The following JUP variants were observed in gnomAD, a reference collection of about 807,000 sequenced individuals.
The protein encoded by JUP is catenin (cadherin-associated protein), gamma 80kDa.
JUP carries 28 observed loss-of-function variants against 71.1 expected under a neutral mutation model. The ratio of observed to expected loss-of-function variants is 0.39; its 90% CI spans 0.29 to 0.54. The LOEUF is 0.54. Ranked by LOEUF, JUP falls within the 20% of genes least tolerant of loss-of-function variation. The pLI, the probability that JUP is intolerant of heterozygous loss-of-function variation, is 0.62. For synonymous variants in JUP, 401 were observed against 438.9 expected, an observed-to-expected ratio of 0.91 and a Z score of 1.08; for missense variants, 869 against 1,030.1, an observed-to-expected ratio of 0.84 and a Z score of 2.14.
At chr17:41,756,633 T>C (rs1323045854) in intron 12 of JUP, among the ~76,000 whole-genome samples, 1 of 150,792 alleles carries the variant, frequency 6.6e-6, no homozygotes, top group Non-Finnish European at 1.5e-5. Context: ...GCGCAGTGGC[T>C]CACGCCTGTA....
intron 13 of JUP, 22 bp from the exon 14 acceptor site, chr17:41,755,917 C>T (rs782592198): frequency 4.6e-5 from 74 of 1,598,482 alleles, no homozygotes; most frequent in Admixed American, 6.7e-5. Flanking sequence ...AAGTGGGGCT[C>T]GGTCCTAGGG....
In JUP at chr17:41,779,658, C is replaced by A. The variant is rs544235676; in HGVS notation, c.-9+6930G>T. Among the ~76,000 whole-genome samples the A allele has an allele frequency of 9.9e-4, 150 of 151,722 alleles. 1 individual carries two copies. The highest frequency in any genetic ancestry group is 3.4e-3 in the Middle Eastern group (1 of 292). On this transcript the variant is annotated intron_variant, in intron 1 of 13. Transcript: ENST00000393931. ...TTTTTTTTACAATGATCAGATATTA[C>A]TTTTTTTATTTTCTTTCTCTTTTTT... is the stretch of plus-strand genomic sequence containing the variant.
At position 41,763,002 on chromosome 17, in the gene JUP, T is replaced by C. The variant is rs781954492; in HGVS notation, c.1478A>G (p.Asn493Ser). The change falls in exon 8 of 14, where the codon AAC becomes AGC. Residue 493 changes from asparagine to serine, a missense_variant. Asn to Ser is a conservative substitution (Grantham distance 46). Coordinates refer to ENST00000393931, the MANE Select transcript of JUP (RefSeq NM_002230.4). Reference sequence around the variant, plus strand: ...CAGTACCTTGACCAGTGGCCACTGGTTGGGCTGGTTGAGCAGCTTCACGAT... The same window carrying C: ...CAGTACCTTGACCAGTGGCCACTGGCTGGGCTGGTTGAGCAGCTTCACGAT... ...PAIVKLLNQP[N>S]QWPLVKATIG... 2 of 1,614,048 alleles carry C rather than the reference T, an allele frequency of 1.2e-6. No homozygotes were observed. Among genetic ancestry groups the C allele is most frequent in the Admixed American group, 1.7e-5 (1 of 60,020 alleles).
intron 3 of JUP, 53 bp from the exon 4 acceptor site, chr17:41,769,260 A>C (rs1396399049): frequency 1.6e-5 from 25 of 1,575,870 alleles, no homozygotes; most frequent in Non-Finnish European, 1.8e-5. Flanking sequence ...AGGCCGGGAT[A>C]CCCTTCCACA....
At chr17:41,773,154 A>G (rs1453984151) in intron 1 of JUP, among the ~76,000 whole-genome samples, 1 of 152,174 alleles carries the variant, frequency 6.6e-6, no homozygotes, top group African/African-American at 2.4e-5. Context: ...AGTAAGCAGA[A>G]CTCAGGCTGG....
At chr17:41,779,550 G>A (rs540779627) in intron 1 of JUP, among the ~76,000 whole-genome samples, 1 of 152,016 alleles carries the variant, frequency 6.6e-6, no homozygotes, top group South Asian at 2.1e-4. Context: ...GGATGGTCTC[G>A]ATCTCCTGAC....
chr17:41,773,338 C>G (rs1055285985), intron 1 of JUP, among the ~76,000 whole-genome samples: 2 of 152,366 alleles, frequency 1.3e-5, no homozygotes, highest in Admixed American at 1.3e-4. Flanking sequence ...ACGAATGGTC[C>G]TGCAGGTCTC....
chr17:41,758,505 A>C lies in JUP; in HGVS notation c.1667T>G (p.Met556Arg). The C allele has an allele frequency of 6.2e-7, 1 of 1,612,178 alleles. No homozygotes were observed. The highest frequency in any genetic ancestry group is 8.5e-7 in the Non-Finnish European group (1 of 1,178,470). The change falls in exon 10 of 14, where the codon ATG becomes AGG. Residue 556 changes from methionine to arginine, a missense_variant. Physicochemically the swap from Met to Arg is moderately conservative, Grantham distance 91. Transcript: ENST00000393931. ...TQQPYTDGVR[M>R]EEIVEGCTGA... is the part of the protein sequence containing the mutation. ...GGTGCAGCCCTCCACAATCTCCTCC[A>C]TCCTCACACCATCCTGTGTGAGAGG...
chr17:41,765,487 G>A (rs1915574573), intron 5 of JUP, among the ~76,000 whole-genome samples: 1 of 152,156 alleles, frequency 6.6e-6, no homozygotes, highest in East Asian at 1.9e-4. Context: ...AAGTAGCTGG[G>A]ATTACAGGCG....
Position 41,767,583 on chromosome 17 carries a change from GGGGGGGTGGGCA to G in JUP, c.708-15_708-4del. 1 of 1,567,320 alleles carries G rather than the reference GGGGGGGTGGGCA, an allele frequency of 6.4e-7. No homozygotes were observed. The highest frequency in any genetic ancestry group is 2.3e-5 in the East Asian group (1 of 43,674). ...ACAGGACCGACTCCACAGGGGAGCT[GGGGGGGTGGGCA>G]GGGGTTAGTACGCTGAGGTCCCAGA... On this transcript the variant is annotated splice_region_variant and splice_polypyrimidine_tract_variant and intron_variant, in intron 4 of 13. Transcript: ENST00000393931.
In JUP at chr17:41,758,501, C is replaced by T. The variant is rs1555599529; in HGVS notation, c.1671G>A (p.Glu557=). ...QQPYTDGVRM[E]EIVEGCTGAL... ...CTCCGGTGCAGCCCTCCACAATCTC[C>T]TCCATCCTCACACCATCCTGTGTGA... The change falls in exon 10 of 14, where the codon GAG becomes GAA. Residue 557 remains glutamate, a synonymous_variant. Transcript: ENST00000393931. 6.2e-7 allele frequency: 1 copy of T among 1,612,818 alleles called. No individual in the cohort carries two copies. Among genetic ancestry groups the T allele is most frequent in the South Asian group, 1.1e-5 (1 of 91,042 alleles).
chr17:41,783,180 C>T (rs550109732), intron 1 of JUP, among the ~76,000 whole-genome samples: 48 of 151,952 alleles, frequency 3.2e-4, no homozygotes, highest in African/African-American at 9.9e-4. Context: ...AGGACCCAAA[C>T]GTCAGTCTTG....
rs1555597240 is a variant in JUP, at chr17:41,755,640, A to C, written c.*104T>G. On this transcript the variant is annotated 3_prime_UTR_variant, in exon 14 of 14. Transcript: ENST00000393931. ...CAGCAGCAAAGGATCCCCCCAAAAA[A>C]GGAGCGCAGGTTTCAGCGGGGAGAT... 4.3e-6 allele frequency: 5 copies of C among 1,153,052 alleles called. No individual in the cohort carries two copies. Among genetic ancestry groups the C allele is most frequent in the Non-Finnish European group, 2.4e-6 (2 of 837,432 alleles). 71.4% of individuals were successfully genotyped at this position (1,153,052 alleles called of 1,614,324 possible).
intron 1 of JUP, among the ~76,000 whole-genome samples, chr17:41,774,191 AG>A (rs1450553740): frequency 1.4e-5 from 2 of 143,364 alleles, no homozygotes; most frequent in Non-Finnish European, 3.1e-5. Context: ...GCTGAGGGCT[AG>A]ACAGCTACCC....
chr17:41,762,168 AGAGAGAGAGTGTGTGT>A (rs1409060445), intron 8 of JUP, among the ~76,000 whole-genome samples: 26 of 49,482 alleles, frequency 5.3e-4, no homozygotes, highest in Non-Finnish European at 8.7e-4. Context: ...AGAGAGAGAG[AGAGAGAGAGTGTGTGT>A]GTGTGTGTGT....
At chr17:41,766,638 T>C (rs1391866501) in intron 5 of JUP, among the ~76,000 whole-genome samples, 3 of 151,974 alleles carry the variant, frequency 2.0e-5, no homozygotes, top group Non-Finnish European at 4.4e-5. Context: ...ATGGACAACC[T>C]AAGGTCAAGA....
intron 7 of JUP, 21 bp downstream of exon 7, chr17:41,764,692 A>G (rs1470081950): frequency 1.2e-6 from 2 of 1,605,034 alleles, no homozygotes; most frequent in Non-Finnish European, 1.7e-6. Context: ...GGTCAACCCC[A>G]GGCCCAGATA....
chr17:41,783,849 G>A (rs1307191165), intron 1 of JUP, among the ~76,000 whole-genome samples: 1 of 147,484 alleles, frequency 6.8e-6, no homozygotes, highest in East Asian at 2.0e-4. Flanking sequence ...AACCCAGGAG[G>A]CGGAGGTTGC....
chr17:41,773,392 C>CAG (rs1555607689), intron 1 of JUP, among the ~76,000 whole-genome samples: 1 of 152,238 alleles, frequency 6.6e-6, no homozygotes, highest in African/African-American at 2.4e-5. Flanking sequence ...CCGGAACAGG[C>CAG]AGAGGCAGGG....
Sources: allele counts gnomAD v4.1 joint callset (sites outside exome capture counted in the v4.1 genomes callset), GRCh38; gene constraint gnomAD v4.1.1; transcripts MANE v1.5; gene names NCBI Gene and HGNC (gene_info 2026-07-23, HGNC 2026-07-21).